The following SLC25A26 variants were observed in gnomAD, a reference collection of about 807,000 sequenced individuals.
SLC25A26 encodes the protein mitochondrial S-adenosylmethionine carrier protein.
SLC25A26 carries 36 observed loss-of-function variants against 37.8 expected under a neutral mutation model. That is an observed-to-expected ratio of 0.95 (90% CI 0.73 to 1.26). The LOEUF (loss-of-function observed/expected upper bound fraction) is 1.26, where lower values mean the gene tolerates loss of function less well. Among genes scored for constraint, SLC25A26 ranks in the 50% most tolerant of loss-of-function variants. SLC25A26 has a pLI of 0.00. For missense variants in SLC25A26, 390 were observed against 331.1 expected (o/e 1.18, Z -1.38); for synonymous variants, 129 against 122.5 (o/e 1.05, Z -0.35).
At chr3:66,192,906 T>C (rs2070973052) in intron 1 of SLC25A26, among the ~76,000 whole-genome samples, 1 of 152,142 alleles carries the variant, frequency 6.6e-6, no homozygotes, top group African/African-American at 2.4e-5. Context: ...AAAAATTACC[T>C]AGGCAGTTTT....
At chr3:66,260,620 A>G (rs559861105) in intron 3 of SLC25A26, among the ~76,000 whole-genome samples, 2 of 152,312 alleles carry the variant, frequency 1.3e-5, no homozygotes, top group Admixed American at 6.5e-5. Flanking sequence ...CTAAAATCAC[A>G]TCACATGGTG....
chr3:66,177,846 A>T (rs945832023), intron 1 of SLC25A26, among the ~76,000 whole-genome samples: 1 of 152,178 alleles, frequency 6.6e-6, no homozygotes, highest in Non-Finnish European at 1.5e-5. Flanking sequence ...TTGAACTGTA[A>T]TCTGGTATAG....
At chr3:66,154,921 T>C (rs533992297) in intron 1 of SLC25A26, among the ~76,000 whole-genome samples, 1 of 152,238 alleles carries the variant, frequency 6.6e-6, no homozygotes, top group Non-Finnish European at 1.5e-5. Flanking sequence ...TATCAGCTCT[T>C]CAATAAACAA....
At chr3:66,160,547 A>G (rs1417460666) in intron 1 of SLC25A26, among the ~76,000 whole-genome samples, 1 of 152,202 alleles carries the variant, frequency 6.6e-6, no homozygotes, top group Non-Finnish European at 1.5e-5. Context: ...TTCCTCCCCT[A>G]CAATATTGCA....
intron 5 of SLC25A26, among the ~76,000 whole-genome samples, chr3:66,308,688 A>G (rs534338725): frequency 6.6e-6 from 1 of 152,218 alleles, no homozygotes; most frequent in Admixed American, 6.6e-5. Context: ...ACTATTCCAT[A>G]TATTCCGTAA....
chr3:66,151,846 A>G (rs2070213950), intron 1 of SLC25A26, among the ~76,000 whole-genome samples: 1 of 152,254 alleles, frequency 6.6e-6, no homozygotes, highest in African/African-American at 2.4e-5. Flanking sequence ...CTCCTCAAAT[A>G]GACAGTGAGC....
chr3:66,218,391 C>T (rs986337689), upstream of SLC25A26, among the ~76,000 whole-genome samples: 18 of 152,122 alleles, frequency 1.2e-4, no homozygotes, highest in Admixed American at 6.5e-4. Flanking sequence ...ATATAAAATT[C>T]GAAACAGCAA....
chr3:66,242,971 C>T (rs2072651424), intron 2 of SLC25A26, among the ~76,000 whole-genome samples: 1 of 152,102 alleles, frequency 6.6e-6, no homozygotes, highest in Non-Finnish European at 1.5e-5. Context: ...ACTTGTGCTC[C>T]TTCAGGGTAG....
At chr3:66,244,902 G>T (rs190351896) in intron 3 of SLC25A26, among the ~76,000 whole-genome samples, 2 of 151,968 alleles carry the variant, frequency 1.3e-5, no homozygotes, top group African/African-American at 2.4e-5. Flanking sequence ...GCATGAACCC[G>T]GGAGGCAGAG....
intron 1 of SLC25A26, among the ~76,000 whole-genome samples, chr3:66,199,416 T>G (rs980247743): frequency 0.011 from 1,712 of 152,010 alleles, 30 homozygotes; most frequent in African/African-American, 0.039. Flanking sequence ...TTGACTATGA[T>G]CCTAACCCTT....
At chr3:66,247,790 C>G (rs1345867605) in intron 3 of SLC25A26, among the ~76,000 whole-genome samples, 1 of 152,082 alleles carries the variant, frequency 6.6e-6, no homozygotes, top group Non-Finnish European at 1.5e-5. Flanking sequence ...TTACGCCTTT[C>G]TTTTTTTAGT....
At chr3:66,184,478 A>G (rs1205491465) in intron 1 of SLC25A26, among the ~76,000 whole-genome samples, 1 of 150,308 alleles carries the variant, frequency 6.7e-6, no homozygotes, top group Non-Finnish European at 1.5e-5. Flanking sequence ...CCTTGAAAAG[A>G]CCCTGACACT....
intron 5 of SLC25A26, among the ~76,000 whole-genome samples, chr3:66,299,641 G>C (rs1355871780): frequency 6.6e-6 from 1 of 152,200 alleles, no homozygotes; most frequent in South Asian, 2.1e-4. Context: ...AATATAATGT[G>C]ATCCAAGGGG....
chr3:66,222,485 T>TTAGC (rs531005136), intron 1 of SLC25A26, among the ~76,000 whole-genome samples: 390 of 152,330 alleles, frequency 2.6e-3, no homozygotes, highest in Middle Eastern at 3.4e-3. Flanking sequence ...CTGGCCAATG[T>TTAGC]TACCGCTTTT....
intron 1 of SLC25A26, among the ~76,000 whole-genome samples, chr3:66,208,676 ATACACATTTATATGGG>A (rs2071214182): frequency 1.4e-5 from 2 of 145,628 alleles, no homozygotes; most frequent in Non-Finnish European, 3.0e-5. Context: ...ATATATATAT[ATACACATTTATATGGG>A]TATATATATA....
In SLC25A26 at chr3:66,241,176, C is replaced by T. The variant is rs535240411; in HGVS notation, c.191-2027C>T. ...AAAGCCATGTGTAAGTGGACCTGTG[C>T]GTTTAAACCCGTGTTCAAGGATCAC... On this transcript the variant is annotated intron_variant, in intron 2 of 9. Coordinates refer to ENST00000354883, the MANE Select transcript of SLC25A26 (RefSeq NM_001379210.1). 2.6e-4 allele frequency among the ~76,000 whole-genome samples: 39 copies of T among 152,168 alleles called. No individual in the cohort carries two copies. In the Middle Eastern group the frequency reaches 0.024, roughly 93 times the overall value.
rs977535134 is a variant in SLC25A26, at chr3:66,342,905, T to A, written c.454-3459T>A. ...TTAACAACCTTATTCAAACAAAACA[T>A]CTTAAATGGAGGCATTAAACAGGTC... On this transcript the variant is annotated intron_variant, in intron 5 of 9. Coordinates refer to ENST00000354883, the MANE Select transcript of SLC25A26 (RefSeq NM_001379210.1). 2.0e-5 allele frequency among the ~76,000 whole-genome samples: 3 copies of A among 152,204 alleles called. No homozygotes were observed. The East Asian group carries it at 5.8e-4, about 29-fold the overall frequency.
rs1032015355 is a variant in SLC25A26 at position 66,362,895 on chromosome 3, T to C, written c.534T>C (p.Asp178=). The C allele has an allele frequency of 2.2e-5, 36 of 1,608,806 alleles. No individual in the cohort carries two copies. Among genetic ancestry groups the C allele is most frequent in the Non-Finnish European group, 2.9e-5 (34 of 1,177,588 alleles). ...CCTGGAGGCAGGATCATGTGGTGGA[T>C]TCTTGGCAGTCAGCAGTCTGTGGAG... The part of the protein sequence containing the change: ...LWSWRQDHVV[D]SWQSAVCGAF... The change falls in exon 7 of 10, where the codon GAT becomes GAC. Residue 178 remains aspartate, a synonymous_variant. Coordinates refer to ENST00000354883, the MANE Select transcript of SLC25A26 (RefSeq NM_001379210.1).
At chr3:66,244,837 T>C (rs1306030362) in intron 3 of SLC25A26, among the ~76,000 whole-genome samples, 3 of 146,666 alleles carry the variant, frequency 2.0e-5, no homozygotes, top group African/African-American at 5.0e-5. Context: ...ATTAGCCGGG[T>C]GTGGTGGTGG....
Sources: gnomAD v4.1 joint callset for allele counts (sites outside exome capture counted in the v4.1 genomes callset) on GRCh38, gnomAD v4.1.1 for gene constraint, MANE v1.5 for transcripts, NCBI Gene and HGNC (gene_info 2026-07-23, HGNC 2026-07-21) for gene names.